The following DIP2B variants were observed in gnomAD, a reference collection of about 807,000 sequenced individuals.
DIP2B encodes disco-interacting protein 2 homolog B.
Under a neutral mutation model 198.0 loss-of-function variants are expected in DIP2B, and 76 were observed. That is an observed-to-expected ratio of 0.38 (90% confidence interval 0.32 to 0.46). The LOEUF (loss-of-function observed/expected upper bound fraction) is 0.46. DIP2B is among the 20% of genes least tolerant of loss of function. DIP2B has a pLI of 0.99. For missense variants in DIP2B, 1,559 were observed against 1,978.4 expected, an observed-to-expected ratio of 0.79 and a Z score of 4.02; for synonymous variants, 701 against 739.1, an observed-to-expected ratio of 0.95 and a Z score of 0.84.
At chr12:50,669,883 A>G (rs1938820187) in intron 4 of DIP2B, among the ~76,000 whole-genome samples, 1 of 152,188 alleles carries the variant, frequency 6.6e-6, no homozygotes, top group Non-Finnish European at 1.5e-5. Flanking sequence ...ACATGAACCT[A>G]CAGTGTCACC....
chr12:50,659,043 C>T (rs79720108), intron 3 of DIP2B, among the ~76,000 whole-genome samples: 3 of 152,034 alleles, frequency 2.0e-5, no homozygotes, highest in Admixed American at 6.6e-5. Context: ...GCTGAGATTG[C>T]GCCACTGCAC....
At chr12:50,544,722 A>G (rs887565097) in intron 1 of DIP2B, among the ~76,000 whole-genome samples, 2 of 151,406 alleles carry the variant, frequency 1.3e-5, no homozygotes, top group Non-Finnish European at 2.9e-5. Flanking sequence ...GGTTCAAGCA[A>G]TTCTCCTGCC....
intron 1 of DIP2B, among the ~76,000 whole-genome samples, chr12:50,572,965 C>CTT (rs1958627654): frequency 6.6e-6 from 1 of 152,168 alleles, no homozygotes; most frequent in South Asian, 2.1e-4. Flanking sequence ...AGCATCTTGG[C>CTT]TAGAGTGTGC....
intron 1 of DIP2B, among the ~76,000 whole-genome samples, chr12:50,573,533 G>A (rs886211653): frequency 1.3e-5 from 2 of 152,210 alleles, no homozygotes; most frequent in Admixed American, 6.5e-5. Context: ...GTTGGAAACA[G>A]TAGAGGAGCT....
rs1937864187 is a variant in DIP2B at position 50,623,439 on chromosome 12, T to TCA, written c.101-2536_101-2535insAC. ...CACACACACACACACACACACACAC[T>TCA]CTCTCTCTCTCTCTCTCTCTCTCTC... On this transcript the variant is annotated intron_variant, in intron 1 of 37. Coordinates refer to ENST00000301180, the MANE Select transcript of DIP2B (RefSeq NM_173602.3). Among the ~76,000 whole-genome samples, 7 of 57,254 alleles carry TCA rather than the reference T, an allele frequency of 1.2e-4. No homozygotes were observed. The South Asian group carries it at 2.8e-3, about 23-fold the overall frequency. The allele number at this position is 57,254 out of a possible 152,430, so 37.6% of individuals were successfully genotyped here.
At chr12:50,635,735 C>T (rs1938148629) in intron 2 of DIP2B, among the ~76,000 whole-genome samples, 1 of 152,118 alleles carries the variant, frequency 6.6e-6, no homozygotes, top group African/African-American at 2.4e-5. Flanking sequence ...CCCTATTTTC[C>T]TTAATGTCCT....
chr12:50,583,164 G>A (rs924370846), intron 1 of DIP2B, among the ~76,000 whole-genome samples: 10 of 152,114 alleles, frequency 6.6e-5, no homozygotes, highest in African/African-American at 9.7e-5. Context: ...GTTCTGAGAG[G>A]ACTATTACAT....
At chr12:50,590,392 C>T (rs377025981) in intron 1 of DIP2B, among the ~76,000 whole-genome samples, 7 of 150,898 alleles carry the variant, frequency 4.6e-5, no homozygotes, top group Non-Finnish European at 7.4e-5. Flanking sequence ...TTTCCTGAGA[C>T]GGAGCCTTGC....
At chr12:50,522,869 A>G (rs1958132926) in intron 1 of DIP2B, among the ~76,000 whole-genome samples, 1 of 152,218 alleles carries the variant, frequency 6.6e-6, no homozygotes, top group African/African-American at 2.4e-5. Flanking sequence ...ATAGGTGGTA[A>G]GTAAAAGCAT....
intron 25 of DIP2B, among the ~76,000 whole-genome samples, chr12:50,720,951 C>T (rs915371933): frequency 6.6e-5 from 10 of 152,212 alleles, no homozygotes; most frequent in Middle Eastern, 3.4e-3. Flanking sequence ...CAGGCATGTG[C>T]CACCACCACA....
At position 50,695,947 on chromosome 12, in the gene DIP2B, T is replaced by C. The variant is rs1227912261; in HGVS notation, c.1913T>C (p.Val638Ala). The C allele has an allele frequency of 3.7e-6, 6 of 1,614,014 alleles. No individual in the cohort carries two copies. Among genetic ancestry groups the C allele is most frequent in the African/African-American group, 1.3e-5 (1 of 74,930 alleles). Reference sequence around the variant, plus strand: ...TTGAGTTCCCTCCGAATGTTAATTGTGACTGATGGAGCTAACCCCTGTGAG... The same window carrying C: ...TTGAGTTCCCTCCGAATGTTAATTGCGACTGATGGAGCTAACCCCTGTGAG... Reference protein sequence around the residue: ...VSLSSLRMLIVTDGANPWSVS... With the variant: ...VSLSSLRMLIATDGANPWSVS... The change falls in exon 16 of 38, where the codon GTG (valine) becomes GCG (alanine). Residue 638 changes from valine (V) to alanine (A), a missense_variant. Coordinates refer to ENST00000301180, the MANE Select transcript of DIP2B (RefSeq NM_173602.3).
intron 1 of DIP2B, among the ~76,000 whole-genome samples, chr12:50,576,363 A>AC (rs1958660505): frequency 1.4e-5 from 1 of 70,042 alleles, no homozygotes; most frequent in Non-Finnish European, 2.5e-5. Flanking sequence ...CACTGCACCC[A>AC]GCATTTTTTT....
intron 1 of DIP2B, among the ~76,000 whole-genome samples, chr12:50,571,700 G>C (rs1958616510): frequency 6.6e-6 from 1 of 152,020 alleles, no homozygotes; most frequent in African/African-American, 2.4e-5. Context: ...CTACAGGCGT[G>C]TGCCACCACG....
chr12:50,611,133 A>G (rs1264522902), intron 1 of DIP2B, among the ~76,000 whole-genome samples: 1 of 151,788 alleles, frequency 6.6e-6, no homozygotes, highest in Non-Finnish European at 1.5e-5. Flanking sequence ...TAGACACACA[A>G]ATTAAAGAGA....
At chr12:50,666,226 A>C (rs1222770142) in intron 4 of DIP2B, among the ~76,000 whole-genome samples, 1 of 152,218 alleles carries the variant, frequency 6.6e-6, no homozygotes, top group African/African-American at 2.4e-5. Flanking sequence ...TGCTGATAAG[A>C]GTAATGTTAT....
chr12:50,605,668 T>C (rs1958974828), intron 1 of DIP2B, among the ~76,000 whole-genome samples: 1 of 152,212 alleles, frequency 6.6e-6, no homozygotes, highest in South Asian at 2.1e-4. Flanking sequence ...TTGCCTATTT[T>C]GGATATTTGA....
At chr12:50,706,736 A>G in intron 21 of DIP2B, 71 bp downstream of exon 21, 2 of 1,553,872 alleles carry the variant, frequency 1.3e-6, no homozygotes, top group East Asian at 2.3e-5. Context: ...TGGTGATTTC[A>G]GTGGTATTTT....
chr12:50,587,281 G>C (rs865816120), intron 1 of DIP2B, among the ~76,000 whole-genome samples: 1 of 152,022 alleles, frequency 6.6e-6, no homozygotes, highest in Non-Finnish European at 1.5e-5. Flanking sequence ...ACCTTTCCCT[G>C]GTCCTTTTAG....
intron 4 of DIP2B, among the ~76,000 whole-genome samples, chr12:50,663,222 C>T (rs562652556): frequency 1.3e-5 from 2 of 151,424 alleles, no homozygotes; most frequent in African/African-American, 2.4e-5. Context: ...GTCAGGAGAT[C>T]GAGACCATCC....
Sources: allele counts gnomAD v4.1 joint callset (sites outside exome capture counted in the v4.1 genomes callset), GRCh38; gene constraint gnomAD v4.1.1; transcripts MANE v1.5; gene names NCBI Gene and HGNC (gene_info 2026-07-23, HGNC 2026-07-21).